Variants in DOCK2 observed in about 807,000 individuals in gnomAD.
DOCK2 encodes the protein dedicator of cytokinesis protein 2.
Under a neutral mutation model 248.9 loss-of-function variants are expected in DOCK2, and 87 were observed. That is an observed-to-expected ratio of 0.35 (90% CI 0.29 to 0.42). DOCK2 has a LOEUF of 0.42. Among genes scored for constraint, DOCK2 ranks in the 10% least tolerant of loss-of-function variants. DOCK2 has a pLI of 1.00. For synonymous variants in DOCK2, 805 were observed against 821.6 expected (o/e 0.98, Z 0.35); for missense variants, 1,747 against 2,300.2 (o/e 0.76, Z 4.92).
At chr5:169,995,939 A>C in intron 29 of DOCK2, 147 bp from the exon 30 acceptor site, 1 of 698,150 alleles carries the variant, frequency 1.4e-6, no homozygotes, top group Non-Finnish European at 2.3e-6. Flanking sequence ...AATAGTTGTT[A>C]ATCTGCATTA....
intron 27 of DOCK2, among the ~76,000 whole-genome samples, chr5:169,939,524 A>G (rs1332091882): frequency 2.0e-5 from 3 of 151,982 alleles, no homozygotes; most frequent in African/African-American, 2.4e-5. Context: ...GTCGTTTATT[A>G]TTATTGTCAA....
At position 169,958,691 on chromosome 5, in the gene DOCK2, G is replaced by A. The variant is rs75705689; in HGVS notation, c.2800-24377G>A. Among the ~76,000 whole-genome samples the A allele has an allele frequency of 3.3e-3, 504 of 152,138 alleles. 4 individuals carry two copies. Among genetic ancestry groups the A allele is most frequent in the African/African-American group, 0.011 (475 of 41,490 alleles). ...TAGGCGTGGAGCTCTCTTGAAGATG[G>A]TTAAGTATGTATTAAGGCCAGGAAA... On this transcript the variant is annotated intron_variant, in intron 27 of 51. Transcript: ENST00000520908.
chr5:169,739,307 T>C (rs928202377), intron 22 of DOCK2, among the ~76,000 whole-genome samples: 4 of 152,180 alleles, frequency 2.6e-5, no homozygotes, highest in African/African-American at 9.7e-5. Flanking sequence ...GATTCTGTAA[T>C]TGTAGAGGGA....
At chr5:169,660,935 C>T (rs1314944726) in intron 2 of DOCK2, among the ~76,000 whole-genome samples, 1 of 151,596 alleles carries the variant, frequency 6.6e-6, no homozygotes, top group African/African-American at 2.4e-5. Flanking sequence ...TGTCTATTTG[C>T]TTTGTTGTGA....
chr5:169,745,646 A>G (rs1291643639), intron 22 of DOCK2, among the ~76,000 whole-genome samples: 1 of 152,104 alleles, frequency 6.6e-6, no homozygotes. Flanking sequence ...GAGCTTCATT[A>G]ATTTGTAAAG....
intron 27 of DOCK2, among the ~76,000 whole-genome samples, chr5:169,895,543 G>C (rs1773548550): frequency 6.6e-6 from 1 of 151,784 alleles, no homozygotes; most frequent in African/African-American, 2.4e-5. Context: ...TCTTCTTTTG[G>C]GGGTAGGATC....
intron 25 of DOCK2, among the ~76,000 whole-genome samples, chr5:169,766,365 C>T (rs1044659247): frequency 6.6e-6 from 1 of 152,180 alleles, no homozygotes; most frequent in Non-Finnish European, 1.5e-5. Flanking sequence ...GAATAATGGC[C>T]TCTGGCTTCA....
At position 169,702,290 on chromosome 5, in the gene DOCK2, C is replaced by G. The variant is rs1761015294; in HGVS notation, c.1259-13C>G. On this transcript the variant is annotated splice_polypyrimidine_tract_variant and intron_variant, in intron 13 of 51. Transcript: ENST00000520908. ...TCCACACTAACTCTTGTCTCTCTCT[C>G]CCTCTGCCTCAGGGGATGTCAGGAA... The G allele has an allele frequency of 3.1e-6, 5 of 1,613,228 alleles. No homozygotes were observed. The highest frequency in any genetic ancestry group is 2.2e-5 in the East Asian group (1 of 44,844).
At chr5:169,660,611 C>T (rs1463485554) in intron 2 of DOCK2, among the ~76,000 whole-genome samples, 1 of 152,200 alleles carries the variant, frequency 6.6e-6, no homozygotes, top group Non-Finnish European at 1.5e-5. Flanking sequence ...GAGGAGGGCA[C>T]ACCAAGAGCC....
At chr5:170,042,648 CA>C (rs1163880817) in intron 38 of DOCK2, among the ~76,000 whole-genome samples, 1 of 152,172 alleles carries the variant, frequency 6.6e-6, no homozygotes, top group Non-Finnish European at 1.5e-5. Context: ...AGCATTCCTC[CA>C]CCATAGCTGC....
At chr5:169,765,370 C>T (rs1397776457) in intron 25 of DOCK2, among the ~76,000 whole-genome samples, 1 of 152,192 alleles carries the variant, frequency 6.6e-6, no homozygotes, top group Admixed American at 6.5e-5. Flanking sequence ...TGACTTCAGG[C>T]TTCAGTGAGA....
At chr5:169,943,828 G>A (rs778854872) in intron 27 of DOCK2, among the ~76,000 whole-genome samples, 9 of 152,274 alleles carry the variant, frequency 5.9e-5, no homozygotes, top group South Asian at 4.1e-4. Context: ...TGACTCTGAC[G>A]CTCATTAAGT....
rs183642577 is a variant in DOCK2, at chr5:169,897,908, A to T, written c.2799+57056A>T. Among the ~76,000 whole-genome samples the T allele has an allele frequency of 2.6e-5, 4 of 152,314 alleles. No homozygotes were observed. The East Asian group carries it at 7.7e-4, about 29-fold the overall frequency. ...TTCCTCCCTTGAACGCAGATGAACA[A>T]CTCTAATAAAAACCATTTCCTACAA... is the stretch of plus-strand genomic sequence containing the variant. On this transcript the variant is annotated intron_variant, in intron 27 of 51. Transcript: ENST00000520908.
intron 27 of DOCK2, among the ~76,000 whole-genome samples, chr5:169,935,104 G>C (rs1026770813): frequency 2.0e-5 from 3 of 152,180 alleles, no homozygotes; most frequent in African/African-American, 7.2e-5. Context: ...TGAAGACAGC[G>C]TGGCAAGATT....
chr5:169,981,912 C>T (rs377632478), intron 27 of DOCK2, among the ~76,000 whole-genome samples: 13 of 152,040 alleles, frequency 8.6e-5, no homozygotes, highest in Admixed American at 6.6e-4. Context: ...AACATTCATG[C>T]GACTGGCTTG....
intron 26 of DOCK2, among the ~76,000 whole-genome samples, chr5:169,822,676 A>G (rs939406947): frequency 1.6e-4 from 24 of 152,250 alleles, no homozygotes; most frequent in African/African-American, 5.5e-4. Context: ...GGAAAGATCT[A>G]AAATTGACAC....
intron 22 of DOCK2, among the ~76,000 whole-genome samples, chr5:169,741,932 C>T (rs1024881210): frequency 6.6e-6 from 1 of 151,758 alleles, no homozygotes; most frequent in African/African-American, 2.4e-5. Flanking sequence ...GCCTCAGCCT[C>T]CCAAGTAGCT....
chr5:169,777,303 C>A (rs115290850), intron 25 of DOCK2, among the ~76,000 whole-genome samples: 25 of 152,166 alleles, frequency 1.6e-4, no homozygotes, highest in African/African-American at 5.6e-4. Context: ...ACAACTCCGC[C>A]GTTATCCTTG....
At chr5:169,887,113 T>C (rs1773017565) in intron 27 of DOCK2, among the ~76,000 whole-genome samples, 1 of 152,192 alleles carries the variant, frequency 6.6e-6, no homozygotes, top group Admixed American at 6.5e-5. Context: ...CTTCTCACCA[T>C]TGGGCCTTCC....
Sources: allele counts gnomAD v4.1 joint callset (sites outside exome capture counted in the v4.1 genomes callset), GRCh38; gene constraint gnomAD v4.1.1; transcripts MANE v1.5; gene names NCBI Gene and HGNC (gene_info 2026-07-23, HGNC 2026-07-21).